CD2AP: variants seen among roughly 807,000 people sequenced by gnomAD.
CD2AP encodes CD2-associated protein.
CD2AP carries 46 observed loss-of-function variants against 85.1 expected under a neutral mutation model. The observed-to-expected ratio is 0.54, with a 90% confidence interval of 0.43 to 0.69. The LOEUF (loss-of-function observed/expected upper bound fraction) is 0.69, where lower values mean the gene tolerates loss of function less well. CD2AP is among the 30% of genes least tolerant of loss of function. CD2AP has a pLI of 0.00. For missense variants in CD2AP, 769 were observed against 729.5 expected (o/e 1.05, Z -0.62); for synonymous variants, 255 against 252.9 (o/e 1.01, Z -0.08).
chr6:47,505,911 A>G (rs1393661255), intron 2 of CD2AP, among the ~76,000 whole-genome samples: 2,059 of 86,048 alleles, frequency 0.024, 6 homozygotes, highest in Non-Finnish European at 0.037. Flanking sequence ...GACCCCCCCC[A>G]CCTCCCTCCC....
At chr6:47,542,957 C>A (rs1767256976) in intron 3 of CD2AP, among the ~76,000 whole-genome samples, 1 of 151,726 alleles carries the variant, frequency 6.6e-6, no homozygotes, top group Admixed American at 6.6e-5. Flanking sequence ...TTGAGACCAG[C>A]CTGACTAACA....
intron 4 of CD2AP, among the ~76,000 whole-genome samples, chr6:47,545,792 C>T (rs1767350187): frequency 6.6e-6 from 1 of 152,172 alleles, no homozygotes; most frequent in African/African-American, 2.4e-5. Context: ...CAGGAAGCCA[C>T]ATCCCTAGGA....
At chr6:47,566,261 A>G (rs1446872955) in intron 5 of CD2AP, among the ~76,000 whole-genome samples, 1 of 142,956 alleles carries the variant, frequency 7.0e-6, no homozygotes, top group Admixed American at 7.2e-5. Context: ...ATTTGTTGCT[A>G]TTGCTTATTA....
At chr6:47,579,186 G>A (rs1768395717) in intron 8 of CD2AP, among the ~76,000 whole-genome samples, 199 bp from the exon 9 acceptor site, 1 of 151,992 alleles carries the variant, frequency 6.6e-6, no homozygotes, top group East Asian at 1.9e-4. Flanking sequence ...GATCATTTGA[G>A]CCCAGAAGTT....
chr6:47,585,825 A>G (rs1421522506), intron 11 of CD2AP, among the ~76,000 whole-genome samples: 1 of 152,244 alleles, frequency 6.6e-6, no homozygotes, highest in Non-Finnish European at 1.5e-5. Flanking sequence ...CATGAGCCAG[A>G]GTAGAAAGAT....
intron 1 of CD2AP, among the ~76,000 whole-genome samples, chr6:47,497,712 C>T (rs1455713408): frequency 6.6e-6 from 1 of 152,170 alleles, no homozygotes; most frequent in East Asian, 1.9e-4. Flanking sequence ...CAACTGCACC[C>T]GGACAATTAT....
chr6:47,597,788 TGTC>T (rs79699835), intron 12 of CD2AP, among the ~76,000 whole-genome samples: 52,416 of 150,098 alleles, frequency 0.35, 11,477 homozygotes, highest in Middle Eastern at 0.52. Context: ...CAGGTACTGG[TGTC>T]GTGGAGTTTG....
chr6:47,516,228 T>C (rs879358027), intron 2 of CD2AP, among the ~76,000 whole-genome samples: 1 of 152,238 alleles, frequency 6.6e-6, no homozygotes, highest in Non-Finnish European at 1.5e-5. Flanking sequence ...GCCAAGTCAC[T>C]GTGCTGCTTT....
chr6:47,583,522 G>A (rs964280360), intron 11 of CD2AP, among the ~76,000 whole-genome samples: 3 of 151,970 alleles, frequency 2.0e-5, no homozygotes, highest in Non-Finnish European at 4.4e-5. Flanking sequence ...CATACAGCAC[G>A]TAGCCTTTTC....
At chr6:47,505,900 T>C in intron 2 of CD2AP, among the ~76,000 whole-genome samples, 1 of 98,652 alleles carries the variant, frequency 1.0e-5, no homozygotes, top group Non-Finnish European at 2.1e-5. Context: ...GGCGGGGGGC[T>C]GACCCCCCCC....
At chr6:47,613,508 C>CTTT (rs34881852) in intron 17 of CD2AP, among the ~76,000 whole-genome samples, 1 of 147,112 alleles carries the variant, frequency 6.8e-6, no homozygotes, top group African/African-American at 2.5e-5. Context: ...AAAAATAATC[C>CTTT]TTTTTTTTTT....
At chr6:47,593,685 T>C (rs903772838) in intron 11 of CD2AP, among the ~76,000 whole-genome samples, 2 of 152,040 alleles carry the variant, frequency 1.3e-5, no homozygotes, top group African/African-American at 4.8e-5. Flanking sequence ...TGTGGAGAAA[T>C]TGGACTTTTA....
At chr6:47,496,754 A>G (rs1188903034) in intron 1 of CD2AP, among the ~76,000 whole-genome samples, 1 of 152,134 alleles carries the variant, frequency 6.6e-6, no homozygotes, top group Admixed American at 6.5e-5. Context: ...ATCTGTTTTA[A>G]TGTTTTGGCT....
intron 1 of CD2AP, among the ~76,000 whole-genome samples, chr6:47,502,621 G>A (rs1766026238): frequency 6.6e-6 from 1 of 151,824 alleles, no homozygotes; most frequent in South Asian, 2.1e-4. Context: ...AGCCTCCCGA[G>A]TAGCTGGGAT....
intron 1 of CD2AP, among the ~76,000 whole-genome samples, chr6:47,500,749 GT>G (rs35365087): frequency 0.018 from 2,486 of 140,304 alleles, 42 homozygotes; most frequent in African/African-American, 0.04. Flanking sequence ...TCCTTCCTTG[GT>G]TTTTTTTTTT....
In CD2AP at chr6:47,609,129, G is replaced by T; in HGVS notation, c.1639G>T (p.Val547Leu). 6.2e-7 allele frequency: 1 copy of T among 1,611,026 alleles called. No individual in the cohort carries two copies. Among genetic ancestry groups the T allele is most frequent in the Non-Finnish European group, 8.5e-7 (1 of 1,178,298 alleles). The part of the protein sequence containing the change: ...KDTCYSPKPS[V>L]YLSTPSSASK... Reference sequence around the variant, plus strand: ...TTTTTTTTTACGTTTTCAGCCATCTGTGTACCTTTCAACACCTTCCAGTGC... The same window carrying T: ...TTTTTTTTTACGTTTTCAGCCATCTTTGTACCTTTCAACACCTTCCAGTGC... The change falls in exon 16 of 18, where the codon GTG becomes TTG. Residue 547 changes from valine (V) to leucine (L), a missense_variant. By Grantham distance (32) the Val-to-Leu change is conservative (BLOSUM62 1). Coordinates refer to ENST00000359314, the MANE Select transcript of CD2AP (RefSeq NM_012120.3).
At chr6:47,541,873 T>A (rs1461886230) in intron 3 of CD2AP, among the ~76,000 whole-genome samples, 1 of 152,156 alleles carries the variant, frequency 6.6e-6, no homozygotes. Flanking sequence ...TTACAAAGAG[T>A]TTATTTGGAG....
intron 2 of CD2AP, among the ~76,000 whole-genome samples, chr6:47,514,693 A>T (rs903840412): frequency 1.3e-5 from 2 of 152,208 alleles, no homozygotes; most frequent in Non-Finnish European, 2.9e-5. Flanking sequence ...ACTGAATGGC[A>T]GACATGTGAT....
At chr6:47,582,779 TG>T (rs1440760543) in intron 11 of CD2AP, among the ~76,000 whole-genome samples, 1 of 122,844 alleles carries the variant, frequency 8.1e-6, no homozygotes, top group Non-Finnish European at 1.7e-5. Context: ...ATGTTTTTTT[TG>T]TTTTTTTTTG....
Sources: gnomAD v4.1 joint callset for allele counts (sites outside exome capture counted in the v4.1 genomes callset) on GRCh38, gnomAD v4.1.1 for gene constraint, MANE v1.5 for transcripts, NCBI Gene and HGNC (gene_info 2026-07-23, HGNC 2026-07-21) for gene names.